PRKN: variants seen among roughly 807,000 people sequenced by gnomAD.
PRKN encodes E3 ubiquitin-protein ligase parkin.
In PRKN, 56 loss-of-function variants were observed where a neutral mutation model predicts 59.5. The observed-to-expected ratio is 0.94, with a 90% CI of 0.76 to 1.18. PRKN has a LOEUF of 1.18. Ranked by LOEUF, PRKN falls within the 50% of genes most tolerant of loss-of-function variation. The pLI, the probability that PRKN is intolerant of heterozygous loss-of-function variation, is 0.00. For missense variants in PRKN, 657 were observed against 596.4 expected (o/e 1.10, Z -1.06); for synonymous variants, 250 against 222.1 (o/e 1.13, Z -1.12).
chr6:162,100,797 G>A (rs956516309), intron 4 of PRKN, among the ~76,000 whole-genome samples: 1 of 152,098 alleles, frequency 6.6e-6, no homozygotes, highest in African/African-American at 2.4e-5. Context: ...ATATCTCATT[G>A]TGGTTTTAAT....
intron 9 of PRKN, among the ~76,000 whole-genome samples, chr6:161,531,834 G>A (rs1005918107): frequency 1.3e-5 from 2 of 152,132 alleles, no homozygotes; most frequent in African/African-American, 4.8e-5. Context: ...GGAAATGGAG[G>A]TGCTCAGGGA....
chr6:162,213,820 C>T (rs1242434783), intron 3 of PRKN, among the ~76,000 whole-genome samples: 3 of 89,722 alleles, frequency 3.3e-5, no homozygotes, highest in African/African-American at 1.4e-4. Flanking sequence ...CACACACACA[C>T]ACACACACAC....
intron 4 of PRKN, among the ~76,000 whole-genome samples, chr6:162,153,330 C>G (rs1038129241): frequency 6.6e-6 from 1 of 151,806 alleles, no homozygotes; most frequent in African/African-American, 2.4e-5. Flanking sequence ...AAGAAATGGT[C>G]AGCTGCTTTA....
rs542255238 is a variant in PRKN at position 162,076,354 on chromosome 6, A to G, written c.535-22180T>C. ...TTTGTCCTTGGACAAGTATGTTGGCAAAGACATACATATTTTTTAATTTGT... is the reference window on the plus strand; with the variant it reads ...TTTGTCCTTGGACAAGTATGTTGGCGAAGACATACATATTTTTTAATTTGT... On this transcript the variant is annotated intron_variant, in intron 4 of 11. Coordinates refer to ENST00000366898, the MANE Select transcript of PRKN (RefSeq NM_004562.3). 6.1e-4 allele frequency among the ~76,000 whole-genome samples: 90 copies of G among 147,858 alleles called. 2 individuals carry two copies. Among genetic ancestry groups the G allele is most frequent in the Middle Eastern group, 3.5e-3 (1 of 284 alleles).
At chr6:161,925,789 AAAAC>A (rs980661221) in intron 6 of PRKN, among the ~76,000 whole-genome samples, 5 of 152,200 alleles carry the variant, frequency 3.3e-5, no homozygotes, top group Admixed American at 1.3e-4. Context: ...CAATGGGGAT[AAAAC>A]AAACAAACAA....
intron 1 of PRKN, among the ~76,000 whole-genome samples, chr6:162,489,898 A>T (rs1163809875): frequency 6.6e-6 from 1 of 152,076 alleles, no homozygotes. Context: ...ATTATCCCCA[A>T]TTTCCTTGGG....
At chr6:161,496,646 C>T (rs1004107209) in intron 9 of PRKN, among the ~76,000 whole-genome samples, 4 of 152,190 alleles carry the variant, frequency 2.6e-5, no homozygotes, top group African/African-American at 9.6e-5. Flanking sequence ...CTCCACCTGG[C>T]CCAGCCCTTG....
intron 6 of PRKN, among the ~76,000 whole-genome samples, chr6:161,901,261 AG>A (rs1172095761): frequency 1.3e-5 from 2 of 152,092 alleles, no homozygotes; most frequent in African/African-American, 4.8e-5. Context: ...TAATAAGAAA[AG>A]TAAAAAAGCA....
chr6:161,541,158 A>G (rs545420214), intron 9 of PRKN, among the ~76,000 whole-genome samples: 1 of 152,336 alleles, frequency 6.6e-6, no homozygotes, highest in South Asian at 2.1e-4. Flanking sequence ...CAGTGATGAA[A>G]ATGGGCTATA....
Position 162,024,107 on chromosome 6 carries a change from T to C in PRKN, c.618+29984A>G, listed in dbSNP as rs1018579771. ...GGCAGTATGGTCATTTTAATGATATTGATTCTTCCATCCCTGAACACAGGA... is the reference window on the plus strand; with the variant it reads ...GGCAGTATGGTCATTTTAATGATATCGATTCTTCCATCCCTGAACACAGGA... On this transcript the variant is annotated intron_variant, in intron 5 of 11. Coordinates refer to ENST00000366898, the MANE Select transcript of PRKN (RefSeq NM_004562.3). Among the ~76,000 whole-genome samples the C allele has an allele frequency of 5.3e-5, 8 of 152,120 alleles. No homozygotes were observed. In the East Asian group the frequency reaches 1.5e-3, roughly 29 times the overall value.
chr6:161,403,216 T>C (rs1787124007), intron 9 of PRKN, among the ~76,000 whole-genome samples: 1 of 152,120 alleles, frequency 6.6e-6, no homozygotes, highest in Admixed American at 6.5e-5. Flanking sequence ...ATCTGTAGGG[T>C]AGAATACTGC....
intron 7 of PRKN, among the ~76,000 whole-genome samples, chr6:161,668,707 T>C (rs1023851778): frequency 7.2e-5 from 11 of 152,168 alleles, no homozygotes; most frequent in African/African-American, 2.2e-4. Flanking sequence ...AAAAATACAT[T>C]ATACTTACAA....
chr6:161,851,178 G>A (rs1055983551), intron 6 of PRKN, among the ~76,000 whole-genome samples: 3 of 152,118 alleles, frequency 2.0e-5, no homozygotes, highest in African/African-American at 7.2e-5. Context: ...TCATGGGAGT[G>A]AGTTCCTTAT....
At chr6:161,852,417 C>T (rs569230456) in intron 6 of PRKN, among the ~76,000 whole-genome samples, 3 of 152,242 alleles carry the variant, frequency 2.0e-5, no homozygotes, top group South Asian at 4.1e-4. Flanking sequence ...CACATCACTG[C>T]ACTCCAGCGC....
intron 7 of PRKN, among the ~76,000 whole-genome samples, chr6:161,589,212 C>T (rs1011435950): frequency 1.3e-5 from 2 of 152,184 alleles, no homozygotes; most frequent in East Asian, 1.9e-4. Context: ...AAGGAGGACG[C>T]GCAGAGACGC....
chr6:162,570,101 AG>A (rs1253545771), intron 1 of PRKN, among the ~76,000 whole-genome samples: 1 of 152,148 alleles, frequency 6.6e-6, no homozygotes, highest in Non-Finnish European at 1.5e-5. Flanking sequence ...ACAATGCTAT[AG>A]GAAAAAAATA....
At chr6:161,966,223 T>C (rs1428332194) in intron 6 of PRKN, among the ~76,000 whole-genome samples, 1 of 152,042 alleles carries the variant, frequency 6.6e-6, no homozygotes, top group Non-Finnish European at 1.5e-5. Flanking sequence ...ATACGAATTG[T>C]AGGGCATGAC....
At chr6:162,708,168 T>C (rs1055605593) in intron 1 of PRKN, among the ~76,000 whole-genome samples, 2 of 152,232 alleles carry the variant, frequency 1.3e-5, no homozygotes, top group African/African-American at 4.8e-5. Context: ...AAAGAATGGT[T>C]ACTATGTTTG....
intron 7 of PRKN, among the ~76,000 whole-genome samples, chr6:161,736,388 T>C (rs533555974): frequency 4.9e-4 from 74 of 152,278 alleles, no homozygotes; most frequent in African/African-American, 1.8e-3. Flanking sequence ...GCAGTAAAGG[T>C]GAGAAGAGAT....
Sources: allele counts gnomAD v4.1 joint callset (sites outside exome capture counted in the v4.1 genomes callset), GRCh38; gene constraint gnomAD v4.1.1; transcripts MANE v1.5; gene names NCBI Gene and HGNC (gene_info 2026-07-23, HGNC 2026-07-21).